The following PRKCE variants were observed in gnomAD, a reference collection of about 807,000 sequenced individuals.
The protein encoded by PRKCE is protein kinase C epsilon type.
A neutral mutation model predicts 85.4 loss-of-function variants in PRKCE; 16 were observed. The ratio of observed to expected loss-of-function variants is 0.19; its 90% CI spans 0.13 to 0.28. The LOEUF is 0.28. Among genes scored for constraint, PRKCE ranks in the 10% least tolerant of loss-of-function variants. The pLI is 1.00. For missense variants in PRKCE, 573 were observed against 975.2 expected, an observed-to-expected ratio of 0.59 and a Z score of 5.49; for synonymous variants, 388 against 371.5, an observed-to-expected ratio of 1.04 and a Z score of -0.51.
chr2:45,823,199 C>G (rs1350536737), intron 1 of PRKCE, among the ~76,000 whole-genome samples: 7 of 152,190 alleles, frequency 4.6e-5, no homozygotes, highest in African/African-American at 7.2e-5. Context: ...GGGATAGATT[C>G]CCAGGCCTGG....
intron 1 of PRKCE, among the ~76,000 whole-genome samples, chr2:45,694,067 GTTAT>G (rs1480319751): frequency 2.6e-5 from 4 of 151,550 alleles, no homozygotes; most frequent in African/African-American, 9.7e-5. Context: ...AGATTTTGTG[GTTAT>G]TTATTTCTGC....
At chr2:46,057,454 A>C (rs1190335238) in intron 10 of PRKCE, among the ~76,000 whole-genome samples, 6 of 148,176 alleles carry the variant, frequency 4.0e-5, no homozygotes, top group Admixed American at 2.7e-4. Flanking sequence ...TTTTTTTTTG[A>C]GTCGGAGTTT....
chr2:46,146,593 G>A (rs542438445), intron 12 of PRKCE, among the ~76,000 whole-genome samples: 2 of 152,344 alleles, frequency 1.3e-5, no homozygotes, highest in East Asian at 3.9e-4. Context: ...AAGGGGTGGG[G>A]AGGGTATTCC....
chr2:46,115,002 G>A (rs1200831759), intron 11 of PRKCE, among the ~76,000 whole-genome samples: 2 of 152,144 alleles, frequency 1.3e-5, no homozygotes, highest in Non-Finnish European at 2.9e-5. Flanking sequence ...GGCTGGTGAG[G>A]ACATACCAGG....
In PRKCE at chr2:45,774,441, C is replaced by T. The variant is rs76113252; in HGVS notation, c.349-68559C>T. ...TGTACAGGCAAACTCAGCATCAGCA[C>T]GGCTTTAGAGACCGAGTGCCCGCTT... is the stretch of plus-strand genomic sequence containing the variant. On this transcript the variant is annotated intron_variant, in intron 1 of 14. Transcript: ENST00000306156. The surrounding 1 kb of genome is among the most constrained non-coding windows in gnomAD (Gnocchi z 4.3). 0.01 allele frequency among the ~76,000 whole-genome samples: 1,570 copies of T among 152,308 alleles called. 35 individuals carry two copies. Among genetic ancestry groups the T allele is most frequent in the African/African-American group, 0.036 (1,482 of 41,560 alleles).
intron 10 of PRKCE, among the ~76,000 whole-genome samples, chr2:46,039,316 C>G (rs1708079459): frequency 6.6e-6 from 1 of 152,184 alleles, no homozygotes; most frequent in South Asian, 2.1e-4. Flanking sequence ...ACATCTTCCT[C>G]CAGTGAGAGC....
intron 1 of PRKCE, among the ~76,000 whole-genome samples, chr2:45,687,825 T>C (rs1267479550): frequency 6.6e-6 from 1 of 152,254 alleles, no homozygotes; most frequent in Non-Finnish European, 1.5e-5. Flanking sequence ...TATAAGGTAG[T>C]TGCGCTGTGC....
intron 2 of PRKCE, among the ~76,000 whole-genome samples, chr2:45,934,797 T>C (rs111813621): frequency 0.078 from 11,731 of 151,116 alleles, 518 homozygotes; most frequent in Middle Eastern, 0.13. Flanking sequence ...CTCACACTTA[T>C]AATCTGAATA....
chr2:45,654,336 CTTG>C (rs1424419938), intron 1 of PRKCE, among the ~76,000 whole-genome samples: 1 of 152,236 alleles, frequency 6.6e-6, no homozygotes. Context: ...GCAGTGGGAA[CTTG>C]TTTGGTTATC....
In PRKCE at chr2:46,052,265, G is replaced by C. The variant is rs192370451; in HGVS notation, c.1438-33943G>C. ...AATACTAGTCAATACACATGCAAAA[G>C]AAGCTACTAGAACTAATAAAAGAGT... On this transcript the variant is annotated intron_variant, in intron 10 of 14. Transcript: ENST00000306156. Among the ~76,000 whole-genome samples, 4 of 152,242 alleles carry C rather than the reference G, an allele frequency of 2.6e-5. No individual in the cohort carries two copies. The East Asian group carries it at 7.7e-4, about 29-fold the overall frequency.
intron 10 of PRKCE, among the ~76,000 whole-genome samples, chr2:46,077,003 C>T (rs1451924044): frequency 1.3e-5 from 2 of 152,000 alleles, no homozygotes; most frequent in Non-Finnish European, 1.5e-5. Context: ...GAGGGGGAAT[C>T]GGGGAGGTGT....
chr2:46,141,354 TA>T (rs1260857439), intron 11 of PRKCE, among the ~76,000 whole-genome samples: 1 of 152,088 alleles, frequency 6.6e-6, no homozygotes, highest in Non-Finnish European at 1.5e-5. Flanking sequence ...AGATAAAGTC[TA>T]AAAAAATGTG....
intron 2 of PRKCE, among the ~76,000 whole-genome samples, chr2:45,938,752 T>C (rs1444457778): frequency 2.0e-5 from 3 of 152,212 alleles, no homozygotes; most frequent in Non-Finnish European, 4.4e-5. Flanking sequence ...TTTGCTTAAA[T>C]TGAGAAAGCT....
At chr2:45,877,128 A>G (rs1003834009) in intron 2 of PRKCE, among the ~76,000 whole-genome samples, 1 of 152,222 alleles carries the variant, frequency 6.6e-6, no homozygotes, top group Non-Finnish European at 1.5e-5. Flanking sequence ...GATTCTAAGT[A>G]GGGAGTTATT....
intron 2 of PRKCE, among the ~76,000 whole-genome samples, chr2:45,943,939 G>A (rs1700058911): frequency 6.6e-6 from 1 of 152,232 alleles, no homozygotes; most frequent in South Asian, 2.1e-4. Context: ...AGAGTGTTTG[G>A]TCCACTCACG....
chr2:45,678,608 A>G (rs539394859), intron 1 of PRKCE, among the ~76,000 whole-genome samples: 3 of 152,334 alleles, frequency 2.0e-5, no homozygotes, highest in South Asian at 4.1e-4. Context: ...AAACGACTCT[A>G]TTTTGAGAAA....
At chr2:45,985,364 G>C (rs558102796) in intron 6 of PRKCE, among the ~76,000 whole-genome samples, 125 of 152,272 alleles carry the variant, frequency 8.2e-4, no homozygotes, top group African/African-American at 3.0e-3. Context: ...ATAACACAGG[G>C]AGGTGGAAAT....
chr2:45,969,425 G>T (rs955965976), intron 2 of PRKCE, among the ~76,000 whole-genome samples: 2 of 152,212 alleles, frequency 1.3e-5, no homozygotes, highest in Non-Finnish European at 1.5e-5. Context: ...GAACTGTCAT[G>T]CTGGCTGAGC....
chr2:45,882,033 G>T (rs963746446), intron 2 of PRKCE, among the ~76,000 whole-genome samples: 1 of 152,206 alleles, frequency 6.6e-6, no homozygotes, highest in East Asian at 1.9e-4. Context: ...GGGGAAAGGT[G>T]TTTCTGTAGA....
Sources: allele counts gnomAD v4.1 joint callset (sites outside exome capture counted in the v4.1 genomes callset), GRCh38; gene constraint gnomAD v4.1.1; non-coding constraint Gnocchi (gnomAD v3.1); transcripts MANE v1.5; gene names NCBI Gene and HGNC (gene_info 2026-07-23, HGNC 2026-07-21).